GALNTL6: variants seen among roughly 807,000 people sequenced by gnomAD.
The protein encoded by GALNTL6 is polypeptide N-acetylgalactosaminyltransferase-like 6.
Under a neutral mutation model 73.7 loss-of-function variants are expected in GALNTL6, and 46 were observed. That is an observed-to-expected ratio of 0.62 (90% CI 0.49 to 0.80). The LOEUF is 0.80. GALNTL6 is among the 30% of genes least tolerant of loss of function. GALNTL6 has a pLI of 0.00. For synonymous variants in GALNTL6, 259 were observed against 263.7 expected (o/e 0.98, Z 0.17); for missense variants, 604 against 755.0 (o/e 0.80, Z 2.34).
chr4:172,777,908 G>A (rs1739158138), intron 5 of GALNTL6, among the ~76,000 whole-genome samples: 1 of 152,172 alleles, frequency 6.6e-6, no homozygotes, highest in Admixed American at 6.5e-5. Flanking sequence ...CTGGGGCTTT[G>A]CATATGCACA....
chr4:172,398,406 G>C (rs963837592), intron 5 of GALNTL6, among the ~76,000 whole-genome samples: 3 of 152,126 alleles, frequency 2.0e-5, no homozygotes, highest in Non-Finnish European at 4.4e-5. Flanking sequence ...ATAATGAAGT[G>C]AGTGCTATCC....
chr4:172,163,735 C>T (rs757451613), intron 2 of GALNTL6, among the ~76,000 whole-genome samples: 18 of 151,990 alleles, frequency 1.2e-4, no homozygotes, highest in Non-Finnish European at 2.1e-4. Context: ...TGAGAGCCAT[C>T]TGTAGGTATA....
chr4:172,301,427 G>A (rs6850670), intron 3 of GALNTL6, among the ~76,000 whole-genome samples: 62,821 of 152,000 alleles, frequency 0.41, 15,090 homozygotes, highest in South Asian at 0.62. Flanking sequence ...ATGTTCCTTT[G>A]GAGGAGGAGA....
chr4:172,469,365 A>G (rs1732955605), intron 5 of GALNTL6, among the ~76,000 whole-genome samples: 1 of 152,084 alleles, frequency 6.6e-6, no homozygotes, highest in Non-Finnish European at 1.5e-5. Context: ...CAGCACTCTG[A>G]GAGATCAAAG....
chr4:172,765,314 TA>T (rs1181194408), intron 5 of GALNTL6, among the ~76,000 whole-genome samples: 1 of 152,190 alleles, frequency 6.6e-6, no homozygotes, highest in Non-Finnish European at 1.5e-5. Context: ...GACCTTTTTA[TA>T]AAAGTGATAT....
intron 2 of GALNTL6, among the ~76,000 whole-genome samples, chr4:172,208,374 A>G (rs1189299240): frequency 1.3e-5 from 2 of 152,216 alleles, no homozygotes; most frequent in Non-Finnish European, 2.9e-5. Context: ...CCAATGTATT[A>G]CTAAAAATGT....
chr4:172,391,515 C>G (rs1743664245), intron 5 of GALNTL6, among the ~76,000 whole-genome samples: 1 of 152,006 alleles, frequency 6.6e-6, no homozygotes, highest in African/African-American at 2.4e-5. Context: ...TCAGAAGCCT[C>G]CTTCATAAGG....
intron 2 of GALNTL6, among the ~76,000 whole-genome samples, chr4:171,845,250 G>T (rs752613656): frequency 1.3e-5 from 2 of 152,082 alleles, no homozygotes; most frequent in Non-Finnish European, 2.9e-5. Context: ...CAAAATTCTT[G>T]CTGGTCTCTT....
intron 2 of GALNTL6, among the ~76,000 whole-genome samples, chr4:172,132,185 T>C (rs1733516246): frequency 6.6e-6 from 1 of 152,134 alleles, no homozygotes; most frequent in African/African-American, 2.4e-5. Flanking sequence ...AATTTTGAGC[T>C]ATCCAGGATT....
At chr4:172,949,897 A>G (rs1251272421) in intron 9 of GALNTL6, among the ~76,000 whole-genome samples, 1 of 151,158 alleles carries the variant, frequency 6.6e-6, no homozygotes, top group African/African-American at 2.4e-5. Context: ...CAACACAGTG[A>G]GACTCTGTCT....
chr4:171,973,244 G>C (rs1579020685), intron 2 of GALNTL6, among the ~76,000 whole-genome samples: 1 of 152,206 alleles, frequency 6.6e-6, no homozygotes, highest in Middle Eastern at 3.4e-3. Context: ...TTCTTTTGGA[G>C]AAAAAAGGAG....
At chr4:171,959,316 A>G (rs1056190369) in intron 2 of GALNTL6, among the ~76,000 whole-genome samples, 1 of 152,190 alleles carries the variant, frequency 6.6e-6, no homozygotes, top group African/African-American at 2.4e-5. Context: ...ATGTTCTCTT[A>G]GGTAAGATAC....
intron 12 of GALNTL6, among the ~76,000 whole-genome samples, chr4:173,039,695 T>C (rs1453526576): frequency 1.3e-5 from 2 of 152,212 alleles, no homozygotes; most frequent in Admixed American, 6.5e-5. Context: ...AATGAATAAA[T>C]ACATTTATTG....
At chr4:172,068,919 A>T (rs1386962625) in intron 2 of GALNTL6, among the ~76,000 whole-genome samples, 1 of 110,064 alleles carries the variant, frequency 9.1e-6, no homozygotes, top group Non-Finnish European at 2.0e-5. Context: ...TGGTGCCTGC[A>T]TTCTTGTTCT....
chr4:172,239,177 A>G (rs983857937), intron 3 of GALNTL6, among the ~76,000 whole-genome samples: 2 of 152,142 alleles, frequency 1.3e-5, no homozygotes. Context: ...TAAGAATGGT[A>G]CCAATTCTTT....
Position 173,009,202 on chromosome 4 carries a change from T to C in GALNTL6, c.1396T>C (p.Cys466Arg). Reference protein sequence around the residue: ...GEIRNVAANLCVDSKHGATGT... With the variant: ...GEIRNVAANLRVDSKHGATGT... ...GATCCGAAATGTGGCAGCAAATCTCTGTGTGGACAGCAAGCATGGAGCCAC... is the reference window on the plus strand; with the variant it reads ...GATCCGAAATGTGGCAGCAAATCTCCGTGTGGACAGCAAGCATGGAGCCAC... Residue 466 changes from cysteine to arginine, a missense_variant, in exon 11 of 13, where the codon TGT becomes CGT. By Grantham distance (180) the Cys-to-Arg change is radical. Transcript: ENST00000506823. 6.2e-7 allele frequency: 1 copy of C among 1,613,792 alleles called. No individual in the cohort carries two copies. Among genetic ancestry groups the C allele is most frequent in the Non-Finnish European group, 8.5e-7 (1 of 1,179,650 alleles).
intron 5 of GALNTL6, among the ~76,000 whole-genome samples, chr4:172,561,489 G>A (rs951106874): frequency 6.6e-6 from 1 of 151,908 alleles, no homozygotes; most frequent in African/African-American, 2.4e-5. Context: ...TACCTGTCAC[G>A]TTTTAAGTAT....
intron 5 of GALNTL6, among the ~76,000 whole-genome samples, chr4:172,606,438 G>C (rs1228904107): frequency 7.2e-6 from 1 of 138,428 alleles, no homozygotes; most frequent in East Asian, 2.2e-4. Context: ...TGGGCAACAG[G>C]AGCGAAACTC....
chr4:172,155,524 C>G (rs1415443271), intron 2 of GALNTL6, among the ~76,000 whole-genome samples: 1 of 152,166 alleles, frequency 6.6e-6, no homozygotes, highest in East Asian at 1.9e-4. Context: ...CTTGAAAAGA[C>G]CTTAAGACAA....
Sources: gnomAD v4.1 joint callset for allele counts (sites outside exome capture counted in the v4.1 genomes callset) on GRCh38, gnomAD v4.1.1 for gene constraint, MANE v1.5 for transcripts, NCBI Gene and HGNC (gene_info 2026-07-23, HGNC 2026-07-21) for gene names.